The following NALCN variants were observed in gnomAD, a reference collection of about 807,000 sequenced individuals.
The protein encoded by NALCN is sodium leak channel NALCN.
In NALCN, 111 loss-of-function variants were observed where a neutral mutation model predicts 225.3. The observed-to-expected ratio is 0.49, with a 90% CI of 0.42 to 0.58. The LOEUF is 0.58. Among genes scored for constraint, NALCN ranks in the 20% least tolerant of loss-of-function variants. The pLI, the probability that NALCN is intolerant of heterozygous loss-of-function variation, is 0.00. For synonymous variants in NALCN, 764 were observed against 769.0 expected (o/e 0.99, Z 0.11); for missense variants, 1,378 against 2,202.4 (o/e 0.63, Z 7.49).
At chr13:101,132,349 T>C (rs1197973744) in intron 17 of NALCN, among the ~76,000 whole-genome samples, 1 of 152,106 alleles carries the variant, frequency 6.6e-6, no homozygotes, top group Non-Finnish European at 1.5e-5. Flanking sequence ...TACATTTTGG[T>C]CAAATAATAT....
Position 101,217,964 on chromosome 13 carries a change from A to C in NALCN, c.1626+11429T>G, listed in dbSNP as rs577002054. Among the ~76,000 whole-genome samples, 10 of 152,254 alleles carry C rather than the reference A, an allele frequency of 6.6e-5. No homozygotes were observed. In the South Asian group the frequency reaches 1.7e-3, roughly 25 times the overall value. On this transcript the variant is annotated intron_variant, in intron 13 of 43. Coordinates refer to ENST00000251127, the MANE Select transcript of NALCN (RefSeq NM_052867.4). ...GAGCAGCTTTGGAGACAGAGCTGAGAGAAATCTTGTCCAGGTTTTGGGTCT... is the reference window on the plus strand; with the variant it reads ...GAGCAGCTTTGGAGACAGAGCTGAGCGAAATCTTGTCCAGGTTTTGGGTCT...
intron 7 of NALCN, among the ~76,000 whole-genome samples, chr13:101,334,392 A>C (rs1385846677): frequency 6.6e-6 from 1 of 152,100 alleles, no homozygotes; most frequent in African/African-American, 2.4e-5. Flanking sequence ...GAGGCAATCC[A>C]GGAAGAATGG....
chr13:101,128,466 G>T (rs76704066), intron 17 of NALCN, among the ~76,000 whole-genome samples: 54 of 152,130 alleles, frequency 3.5e-4, no homozygotes, highest in African/African-American at 1.3e-3. Context: ...ATTTTTTGGC[G>T]ATGTCTTCTA....
rs753968443 is a variant in NALCN, at chr13:101,144,750, A to C, written c.1976+10T>G. 1.6e-5 allele frequency: 26 copies of C among 1,604,996 alleles called. No individual in the cohort carries two copies. Among genetic ancestry groups the C allele is most frequent in the Non-Finnish European group, 2.2e-5 (26 of 1,177,354 alleles). ...ATGTGAAATATGCAATTAAAGAAGT[A>C]TTTTGGTACCTGATTTTAGGAACTG... is the stretch of plus-strand genomic sequence containing the variant. On this transcript the variant is annotated intron_variant, in intron 16 of 43. Coordinates refer to ENST00000251127, the MANE Select transcript of NALCN (RefSeq NM_052867.4).
At chr13:101,147,856 T>TC (rs1252739021) in intron 15 of NALCN, among the ~76,000 whole-genome samples, 1 of 152,166 alleles carries the variant, frequency 6.6e-6, no homozygotes, top group East Asian at 1.9e-4. Context: ...CCTCTGTGCC[T>TC]CCCCCACCTC....
chr13:101,366,179 A>T (rs528233655), intron 6 of NALCN, among the ~76,000 whole-genome samples: 33 of 152,232 alleles, frequency 2.2e-4, no homozygotes, highest in African/African-American at 7.9e-4. Context: ...GCTTAGTCAA[A>T]TCTCATTACT....
chr13:101,352,189 A>T (rs1467540788), intron 6 of NALCN, among the ~76,000 whole-genome samples: 3 of 152,162 alleles, frequency 2.0e-5, no homozygotes, highest in Admixed American at 1.3e-4. Flanking sequence ...TATGAGAGAG[A>T]ATAAAAAAGG....
intron 10 of NALCN, among the ~76,000 whole-genome samples, chr13:101,271,865 G>A (rs1594574221): frequency 1.3e-5 from 2 of 150,242 alleles, no homozygotes; most frequent in South Asian, 2.1e-4. Context: ...GAGCATGCAC[G>A]TGTGTGTAGC....
intron 41 of NALCN, 96 bp from the exon 42 acceptor site, chr13:101,060,063 AC>A: frequency 7.2e-7 from 1 of 1,389,548 alleles, no homozygotes. Flanking sequence ...CTCTCCTAAG[AC>A]CTGCATGACG....
chr13:101,113,540 A>G (rs1383404277), intron 18 of NALCN, among the ~76,000 whole-genome samples: 1 of 152,228 alleles, frequency 6.6e-6, no homozygotes, highest in African/African-American at 2.4e-5. Context: ...ATATACTCTA[A>G]TCCAATGTGC....
At chr13:101,174,696 G>A (rs2038886589) in intron 15 of NALCN, among the ~76,000 whole-genome samples, 1 of 152,196 alleles carries the variant, frequency 6.6e-6, no homozygotes, top group Non-Finnish European at 1.5e-5. Flanking sequence ...TTATTTTGTT[G>A]CTTTCCAGCA....
In NALCN at chr13:101,272,656, A is replaced by G. The variant is rs956431676; in HGVS notation, c.1134+11277T>C. On this transcript the variant is annotated intron_variant, in intron 10 of 43. Coordinates refer to ENST00000251127, the MANE Select transcript of NALCN (RefSeq NM_052867.4). ...TGAAGAAGGATCAGATTGAATTTGGAGAGGACAAAAGGAGAAGCATAATGG... is the reference window on the plus strand; with the variant it reads ...TGAAGAAGGATCAGATTGAATTTGGGGAGGACAAAAGGAGAAGCATAATGG... Among the ~76,000 whole-genome samples the G allele has an allele frequency of 2.0e-5, 3 of 152,176 alleles. No individual in the cohort carries two copies. The East Asian group carries it at 5.8e-4, about 29-fold the overall frequency.
chr13:101,080,586 T>C, intron 34 of NALCN, among the ~76,000 whole-genome samples: 1 of 141,474 alleles, frequency 7.1e-6, no homozygotes, highest in Non-Finnish European at 1.5e-5. Context: ...ATTATATAAT[T>C]AAATAATTAT....
chr13:101,408,036 A>C (rs979099403), intron 1 of NALCN, among the ~76,000 whole-genome samples: 1 of 152,208 alleles, frequency 6.6e-6, no homozygotes, highest in Non-Finnish European at 1.5e-5. Context: ...TTTGGAGAAG[A>C]TAAGTGCCTT....
chr13:101,140,029 C>A (rs1195013387), intron 17 of NALCN, among the ~76,000 whole-genome samples: 1 of 152,094 alleles, frequency 6.6e-6, no homozygotes, highest in Non-Finnish European at 1.5e-5. Flanking sequence ...AATGGTGGAT[C>A]CTGAAAAGAA....
At chr13:101,391,820 T>C (rs140790584) in intron 3 of NALCN, among the ~76,000 whole-genome samples, 4 of 140,796 alleles carry the variant, frequency 2.8e-5, no homozygotes, top group East Asian at 2.0e-4. Context: ...GCATCTCTAC[T>C]AAACACACAA....
At chr13:101,261,088 A>G (rs1453165724) in intron 10 of NALCN, among the ~76,000 whole-genome samples, 1 of 152,148 alleles carries the variant, frequency 6.6e-6, no homozygotes, top group Non-Finnish European at 1.5e-5. Flanking sequence ...TCTTCTGCAT[A>G]TGGATGTCCA....
intron 10 of NALCN, among the ~76,000 whole-genome samples, chr13:101,267,423 T>G (rs1316770942): frequency 2.0e-5 from 3 of 152,182 alleles, no homozygotes; most frequent in Non-Finnish European, 2.9e-5. Context: ...AAAAACCCAG[T>G]GGCCTCCAAT....
intron 15 of NALCN, among the ~76,000 whole-genome samples, chr13:101,145,207 G>A (rs2037288782): frequency 6.6e-6 from 1 of 151,982 alleles, no homozygotes; most frequent in Non-Finnish European, 1.5e-5. Flanking sequence ...ATTTTTAATG[G>A]TTTACTATTA....
Sources: allele counts gnomAD v4.1 joint callset (sites outside exome capture counted in the v4.1 genomes callset), GRCh38; gene constraint gnomAD v4.1.1; transcripts MANE v1.5; gene names NCBI Gene and HGNC (gene_info 2026-07-23, HGNC 2026-07-21).